Variants in SGCZ observed in about 807,000 individuals in gnomAD.
SGCZ encodes zeta-sarcoglycan.
SGCZ carries 40 observed loss-of-function variants against 41.3 expected under a neutral mutation model. The ratio of observed to expected loss-of-function variants is 0.97; its 90% CI spans 0.75 to 1.26. The LOEUF is 1.26. Ranked by LOEUF, SGCZ falls within the 50% of genes most tolerant of loss-of-function variation. The pLI, the probability that SGCZ is intolerant of heterozygous loss-of-function variation, is 0.00. For missense variants in SGCZ, 552 were observed against 369.8 expected (o/e 1.49, Z -4.04); for synonymous variants, 206 against 137.5 (o/e 1.50, Z -3.49).
chr8:14,137,444 T>C (rs1476784592), intron 5 of SGCZ, among the ~76,000 whole-genome samples: 2 of 152,224 alleles, frequency 1.3e-5, no homozygotes, highest in African/African-American at 4.8e-5. Context: ...AAATGTTAGA[T>C]GAATGGCTAA....
At chr8:15,125,167 T>G (rs1334128673) in intron 1 of SGCZ, among the ~76,000 whole-genome samples, 1 of 152,134 alleles carries the variant, frequency 6.6e-6, no homozygotes, top group Non-Finnish European at 1.5e-5. Flanking sequence ...CTCCTATCAG[T>G]AAAACAAAGG....
chr8:14,743,605 T>C (rs1253136426), intron 1 of SGCZ, among the ~76,000 whole-genome samples: 2 of 152,070 alleles, frequency 1.3e-5, no homozygotes, highest in Non-Finnish European at 2.9e-5. Context: ...AGATACAGTA[T>C]TGCATAATTT....
At chr8:14,168,574 T>G (rs1045431089) in intron 4 of SGCZ, among the ~76,000 whole-genome samples, 11 of 152,088 alleles carry the variant, frequency 7.2e-5, no homozygotes, top group Non-Finnish European at 1.3e-4. Flanking sequence ...AAGATGTGAC[T>G]TGCTCCTCCT....
rs569121282 is a variant in SGCZ at position 14,325,873 on chromosome 8, A to C, written c.235-1669T>G. ...TGCCTGTAAAATCCCAGTACTTCGG[A>C]ACGTAGAGGCGGGCGGATCACGACG... On this transcript the variant is annotated intron_variant, in intron 2 of 7. Coordinates refer to ENST00000382080, the MANE Select transcript of SGCZ (RefSeq NM_139167.4). 6.8e-5 allele frequency among the ~76,000 whole-genome samples: 10 copies of C among 147,126 alleles called. No individual in the cohort carries two copies. The South Asian group carries it at 1.3e-3, about 19-fold the overall frequency.
In SGCZ at chr8:14,924,787, C is replaced by G. The variant is rs189775735; in HGVS notation, c.39+312798G>C. On this transcript the variant is annotated intron_variant, in intron 1 of 7. Transcript: ENST00000382080. ...TTAAAAGTTTGATTTGTTAAATAGT[C>G]ATATTAACATTATCATTGTTTTACG... 1.5e-4 allele frequency among the ~76,000 whole-genome samples: 22 copies of G among 150,608 alleles called. No individual in the cohort carries two copies. In the East Asian group the frequency reaches 3.7e-3, roughly 25 times the overall value.
chr8:14,718,236 T>A (rs1005019478), intron 1 of SGCZ, among the ~76,000 whole-genome samples: 5 of 152,050 alleles, frequency 3.3e-5, no homozygotes, highest in East Asian at 1.9e-4. Flanking sequence ...TGAAAGTGAA[T>A]TTTTTAATGT....
At chr8:14,122,439 C>A (rs904463015) in intron 5 of SGCZ, among the ~76,000 whole-genome samples, 2 of 152,122 alleles carry the variant, frequency 1.3e-5, no homozygotes, top group Non-Finnish European at 2.9e-5. Flanking sequence ...CCAAAGAGTT[C>A]TTTATGTGCA....
At chr8:14,790,003 CAT>C (rs1345993827) in intron 1 of SGCZ, among the ~76,000 whole-genome samples, 4 of 152,028 alleles carry the variant, frequency 2.6e-5, no homozygotes, top group African/African-American at 7.2e-5. Context: ...ATGTAAATAA[CAT>C]ATAAATAATA....
intron 2 of SGCZ, among the ~76,000 whole-genome samples, chr8:14,428,115 C>T (rs879882558): frequency 0.032 from 361 of 11,128 alleles, 4 homozygotes; most frequent in South Asian, 0.32. Context: ...CACACACACA[C>T]ACACACACAC....
At chr8:14,102,017 C>G (rs1474699558) in intron 7 of SGCZ, among the ~76,000 whole-genome samples, 2 of 150,798 alleles carry the variant, frequency 1.3e-5, no homozygotes, top group African/African-American at 4.9e-5. Context: ...CGACATTCTC[C>G]TGCCTCAGCC....
At chr8:14,769,028 C>T (rs116519274) in intron 1 of SGCZ, among the ~76,000 whole-genome samples, 1 of 151,124 alleles carries the variant, frequency 6.6e-6, no homozygotes, top group Non-Finnish European at 1.5e-5. Flanking sequence ...CTCTCTGATA[C>T]ACACACACAC....
intron 1 of SGCZ, among the ~76,000 whole-genome samples, chr8:14,809,810 C>CAA (rs1801685971): frequency 1.3e-5 from 2 of 152,028 alleles, no homozygotes; most frequent in South Asian, 4.1e-4. Context: ...TCAACATTAG[C>CAA]AAGATACTGC....
rs1022632305 is a variant in SGCZ at position 14,582,010 on chromosome 8, A to C, written c.40-27084T>G. Among the ~76,000 whole-genome samples, 7 of 152,134 alleles carry C rather than the reference A, an allele frequency of 4.6e-5. No homozygotes were observed. In the South Asian group the frequency reaches 6.2e-4, roughly 14 times the overall value. Reference sequence around the variant, plus strand: ...CTGCTACTGCTGAGAAAGAAAGACAAATCCTTCCTCTTCTCCCTCCTCCTC... The same window carrying C: ...CTGCTACTGCTGAGAAAGAAAGACACATCCTTCCTCTTCTCCCTCCTCCTC... On this transcript the variant is annotated intron_variant, in intron 1 of 7. Coordinates refer to ENST00000382080, the MANE Select transcript of SGCZ (RefSeq NM_139167.4).
chr8:14,775,070 A>C (rs1800359849), intron 1 of SGCZ, among the ~76,000 whole-genome samples: 1 of 152,222 alleles, frequency 6.6e-6, no homozygotes, highest in Non-Finnish European at 1.5e-5. Context: ...TTGTAAAGAA[A>C]ATTGCACTAA....
intron 2 of SGCZ, among the ~76,000 whole-genome samples, chr8:14,341,766 G>T (rs1802716841): frequency 1.3e-5 from 2 of 152,086 alleles, no homozygotes; most frequent in Admixed American, 6.6e-5. Context: ...TTAATCGGGG[G>T]TTTTCACTTT....
chr8:14,952,770 T>C (rs534438094), intron 1 of SGCZ, among the ~76,000 whole-genome samples: 1 of 152,302 alleles, frequency 6.6e-6, no homozygotes, highest in East Asian at 1.9e-4. Context: ...TATTTATTGT[T>C]ACCCGAGGTA....
At chr8:14,879,094 G>A (rs896868986) in intron 1 of SGCZ, 2 of 152,224 alleles carry the variant, frequency 1.3e-5, no homozygotes, top group Admixed American at 1.3e-4. Flanking sequence ...GGAGGATGAG[G>A]TGGGAGGATA....
chr8:14,369,994 C>A (rs1803853323), intron 2 of SGCZ, among the ~76,000 whole-genome samples: 1 of 151,828 alleles, frequency 6.6e-6, no homozygotes, highest in South Asian at 2.1e-4. Context: ...ATGGAAATAT[C>A]CCACATCTGG....
chr8:14,496,878 A>C (rs1459066563), intron 2 of SGCZ, among the ~76,000 whole-genome samples: 2 of 152,138 alleles, frequency 1.3e-5, no homozygotes, highest in African/African-American at 4.8e-5. Flanking sequence ...ATATACATCT[A>C]TTTTATTTCT....
Sources: gnomAD v4.1 joint callset for allele counts (sites outside exome capture counted in the v4.1 genomes callset) on GRCh38, gnomAD v4.1.1 for gene constraint, MANE v1.5 for transcripts, NCBI Gene and HGNC (gene_info 2026-07-23, HGNC 2026-07-21) for gene names.